Variants in NTM observed in about 807,000 individuals in gnomAD.
NTM encodes neurotrimin, also known as IgLON family member 2.
Under a neutral mutation model 42.1 loss-of-function variants are expected in NTM, and 13 were observed. That is an observed-to-expected ratio of 0.31 (90% CI 0.20 to 0.49). The LOEUF is 0.49. Among genes scored for constraint, NTM ranks in the 20% least tolerant of loss-of-function variants. NTM has a pLI of 0.99. For synonymous variants in NTM, 187 were observed against 179.2 expected, an observed-to-expected ratio of 1.04 and a Z score of -0.35; for missense variants, 373 against 452.8, an observed-to-expected ratio of 0.82 and a Z score of 1.60.
intron 2 of NTM, among the ~76,000 whole-genome samples, chr11:132,026,739 TGGA>T (rs1349358609): frequency 5.3e-5 from 8 of 152,222 alleles, no homozygotes; most frequent in African/African-American, 1.7e-4. Context: ...GGGTTTTGAT[TGGA>T]GGAGAAGTGT....
chr11:131,858,185 C>T (rs2046292267), intron 1 of NTM, among the ~76,000 whole-genome samples: 2 of 152,182 alleles, frequency 1.3e-5, no homozygotes. Context: ...TACACACTCT[C>T]TTTTCTTCAT....
At chr11:132,324,718 C>G (rs77511710) in intron 7 of NTM, among the ~76,000 whole-genome samples, 27,831 of 127,912 alleles carry the variant, frequency 0.22, 3,825 homozygotes, top group Non-Finnish European at 0.33. Context: ...CCAAGTCAAT[C>G]CTAAGCCAAA....
At chr11:131,934,970 G>C (rs76668691) in intron 2 of NTM, among the ~76,000 whole-genome samples, 1,842 of 152,300 alleles carry the variant, frequency 0.012, 32 homozygotes, top group African/African-American at 0.042. Context: ...ACAGGACGCT[G>C]CTGCCTGGCC....
At chr11:131,811,188 T>C (rs933134079) in intron 1 of NTM, among the ~76,000 whole-genome samples, 1 of 152,054 alleles carries the variant, frequency 6.6e-6, no homozygotes, top group Non-Finnish European at 1.5e-5. Context: ...CTACTGGGAG[T>C]TGAGAATTGC....
chr11:132,051,615 T>C (rs996671818), intron 2 of NTM, among the ~76,000 whole-genome samples: 1 of 152,106 alleles, frequency 6.6e-6, no homozygotes, highest in African/African-American at 2.4e-5. Context: ...CCCCTAATGA[T>C]GGTCAGGCTG....
At chr11:132,010,241 A>G (rs933377832) in intron 2 of NTM, among the ~76,000 whole-genome samples, 1 of 152,206 alleles carries the variant, frequency 6.6e-6, no homozygotes, top group African/African-American at 2.4e-5. Context: ...TGAACACAGA[A>G]CTGAGTTCTT....
intron 1 of NTM, among the ~76,000 whole-genome samples, chr11:131,632,991 A>G (rs550124211): frequency 5.1e-4 from 77 of 152,062 alleles, no homozygotes; most frequent in African/African-American, 1.8e-3. Context: ...TGTTCAGACC[A>G]TCTATTTGTT....
At chr11:131,612,396 C>G (rs903712722) in intron 1 of NTM, among the ~76,000 whole-genome samples, 2 of 152,234 alleles carry the variant, frequency 1.3e-5, no homozygotes, top group African/African-American at 4.8e-5. Context: ...GCTAGTTCCA[C>G]AAAATGTACT....
At chr11:132,070,966 G>T (rs577676456) in intron 2 of NTM, among the ~76,000 whole-genome samples, 3 of 141,036 alleles carry the variant, frequency 2.1e-5, no homozygotes, top group East Asian at 4.4e-4. Context: ...ACCGTCACAG[G>T]TTAGTTAACA....
intron 2 of NTM, among the ~76,000 whole-genome samples, chr11:132,059,479 T>C (rs2080263909): frequency 6.6e-6 from 1 of 152,128 alleles, no homozygotes; most frequent in Admixed American, 6.5e-5. Flanking sequence ...ATTGACACAT[T>C]CTTTGTATTT....
chr11:132,207,181 T>C (rs1592222860), intron 3 of NTM, among the ~76,000 whole-genome samples: 1 of 152,032 alleles, frequency 6.6e-6, no homozygotes, highest in Non-Finnish European at 1.5e-5. Context: ...CAGCAGGAGG[T>C]GAGCAGCTGG....
intron 1 of NTM, among the ~76,000 whole-genome samples, chr11:131,818,047 T>C (rs999713732): frequency 6.6e-6 from 1 of 152,186 alleles, no homozygotes; most frequent in Non-Finnish European, 1.5e-5. Context: ...CAGTACACAC[T>C]TGACACACAT....
At chr11:131,652,532 G>A (rs2066632005) in intron 1 of NTM, among the ~76,000 whole-genome samples, 2 of 152,176 alleles carry the variant, frequency 1.3e-5, no homozygotes. Context: ...TCTCACAGTT[G>A]ATGTTTTTGG....
chr11:131,524,568 A>G (rs1454077524), intron 1 of NTM, among the ~76,000 whole-genome samples: 1 of 152,240 alleles, frequency 6.6e-6, no homozygotes, highest in Non-Finnish European at 1.5e-5. Context: ...AGTAAAAGTG[A>G]CTAGCCATAG....
At chr11:131,704,188 G>T (rs1244992171) in intron 1 of NTM, among the ~76,000 whole-genome samples, 1 of 152,128 alleles carries the variant, frequency 6.6e-6, no homozygotes, top group African/African-American at 2.4e-5. Flanking sequence ...CATCTCCATA[G>T]ACCCAGTCTC....
At chr11:132,144,573 T>A (rs1306420410) in intron 2 of NTM, among the ~76,000 whole-genome samples, 1 of 152,248 alleles carries the variant, frequency 6.6e-6, no homozygotes, top group Non-Finnish European at 1.5e-5. Flanking sequence ...TTAGTGTGTG[T>A]ATGACCCAAC....
rs758245015 is a variant in NTM at position 131,564,442 on chromosome 11, G to GT, written c.82+193554_82+193555insT. Among the ~76,000 whole-genome samples, 1,246 of 125,342 alleles carry GT rather than the reference G, an allele frequency of 9.9e-3. 16 individuals carry two copies. Among genetic ancestry groups the GT allele is most frequent in the African/African-American group, 0.048 (1,182 of 24,680 alleles). 82.2% of individuals were successfully genotyped at this position (125,342 alleles called of 152,430 possible). A position where few individuals can be genotyped will look rare whatever the true frequency, so the allele number is the denominator to read the frequency against. ...ACATAGTAGAGGGATAGGGTGGGTA[G>GT]GGGGAGAGAGAGAGGGAGGGAGAGA... On this transcript the variant is annotated intron_variant, in intron 1 of 8. Coordinates refer to ENST00000683400, the MANE Select transcript of NTM (RefSeq NM_001352005.2).
intron 2 of NTM, among the ~76,000 whole-genome samples, chr11:132,037,536 G>A (rs901286930): frequency 2.7e-4 from 41 of 152,154 alleles, no homozygotes; most frequent in African/African-American, 9.9e-4. Context: ...GATTTAAGTT[G>A]ACCTGCGAGA....
intron 1 of NTM, among the ~76,000 whole-genome samples, chr11:131,698,891 C>T (rs543695989): frequency 1.3e-5 from 2 of 152,302 alleles, no homozygotes; most frequent in South Asian, 4.1e-4. Context: ...TTTCAAATCT[C>T]TCTCTTGCTA....
Sources: gnomAD v4.1 joint callset for allele counts (sites outside exome capture counted in the v4.1 genomes callset) on GRCh38, gnomAD v4.1.1 for gene constraint, MANE v1.5 for transcripts, NCBI Gene and HGNC (gene_info 2026-07-23, HGNC 2026-07-21) for gene names.